CTSO: variants seen among roughly 807,000 people sequenced by gnomAD.
CTSO encodes the protein cathepsin O.
A neutral mutation model predicts 42.4 loss-of-function variants in CTSO; 40 were observed. That is an observed-to-expected ratio of 0.94 (90% CI 0.73 to 1.23). The LOEUF (loss-of-function observed/expected upper bound fraction) is 1.23, where lower values mean the gene tolerates loss of function less well. Among genes scored for constraint, CTSO ranks in the 50% most tolerant of loss-of-function variants. The pLI is 0.00. For missense variants in CTSO, 441 were observed against 396.0 expected, an observed-to-expected ratio of 1.11 and a Z score of -0.96; for synonymous variants, 156 against 146.2, an observed-to-expected ratio of 1.07 and a Z score of -0.48.
In CTSO at chr4:155,935,731, T is replaced by C. The variant is rs150024631; in HGVS notation, c.674+1631A>G. 1.7e-4 allele frequency among the ~76,000 whole-genome samples: 26 copies of C among 152,274 alleles called. No individual in the cohort carries two copies. The East Asian group carries it at 5.0e-3, about 29-fold the overall frequency. ...CTAATGAGGGCAAGGTTTTTGTCTG[T>C]TTTGTTCTCTGCCAAATCCCCAGAA... On this transcript the variant is annotated intron_variant, in intron 5 of 7. Coordinates refer to ENST00000433477, the MANE Select transcript of CTSO (RefSeq NM_001334.3).
intron 1 of CTSO, among the ~76,000 whole-genome samples, chr4:155,950,857 C>A (rs11303235): frequency 3.3e-5 from 5 of 151,158 alleles, no homozygotes; most frequent in Admixed American, 1.3e-4. Context: ...ACCCCACCCC[C>A]ACACCCCAGT....
rs1014618965 is a variant in CTSO, at chr4:155,927,025, C to G, written c.932-955G>C. ...GCAAGTTCCAAAGATGTACGAGTCC[C>G]CAGTGATGCTGAAAAGTGGAGGCCT... On this transcript the variant is annotated intron_variant, in intron 7 of 7. Transcript: ENST00000433477. 3.3e-5 allele frequency among the ~76,000 whole-genome samples: 5 copies of G among 152,226 alleles called. No individual in the cohort carries two copies. In the East Asian group the frequency reaches 9.7e-4, roughly 29 times the overall value.
At chr4:155,926,534 C>A (rs187252070) in intron 7 of CTSO, among the ~76,000 whole-genome samples, 1 of 152,272 alleles carries the variant, frequency 6.6e-6, no homozygotes, top group Non-Finnish European at 1.5e-5. Context: ...AACATCATGG[C>A]AAAAGCAATA....
chr4:155,934,099 G>C (rs1485998847), intron 5 of CTSO, among the ~76,000 whole-genome samples: 1 of 152,194 alleles, frequency 6.6e-6, no homozygotes, highest in East Asian at 1.9e-4. Flanking sequence ...GAAGGAAAAA[G>C]TGGTTTTGTG....
chr4:155,937,340 C>T (rs1470221162), intron 5 of CTSO, 22 bp downstream of exon 5: 3 of 1,572,226 alleles, frequency 1.9e-6, no homozygotes, highest in African/African-American at 2.7e-5. Context: ...TAAAGAAAAA[C>T]ATAATACAAT....
At chr4:155,948,667 G>A (rs1404834220) in intron 1 of CTSO, among the ~76,000 whole-genome samples, 1 of 152,160 alleles carries the variant, frequency 6.6e-6, no homozygotes, top group Non-Finnish European at 1.5e-5. Flanking sequence ...AGGAGGTTAG[G>A]CTGCAGTTTT....
intron 1 of CTSO, among the ~76,000 whole-genome samples, chr4:155,951,601 C>T (rs1471354107): frequency 6.6e-6 from 1 of 152,142 alleles, no homozygotes; most frequent in Non-Finnish European, 1.5e-5. Flanking sequence ...AAGATTAAAA[C>T]AAATTTTAAA....
intron 5 of CTSO, among the ~76,000 whole-genome samples, chr4:155,933,593 T>A (rs890171232): frequency 2.0e-5 from 3 of 152,188 alleles, no homozygotes; most frequent in Admixed American, 6.5e-5. Context: ...TCCTAGAGAC[T>A]TGTCGAATGG....
In CTSO at chr4:155,943,146, C is replaced by T. The variant is rs370138778; in HGVS notation, c.244+10G>A. ...CAGGAAACCACCTAAATAGCAACAT[C>T]GGACTATACCTTTAAACTCTTCAGG... is the stretch of plus-strand genomic sequence containing the variant. On this transcript the variant is annotated intron_variant, in intron 2 of 7. Coordinates refer to ENST00000433477, the MANE Select transcript of CTSO (RefSeq NM_001334.3). The T allele has an allele frequency of 9.2e-6, 14 of 1,524,580 alleles. No homozygotes were observed. Among genetic ancestry groups the T allele is most frequent in the African/African-American group, 4.2e-5 (3 of 72,150 alleles). The allele number at this position is 1,524,580 out of a possible 1,614,324, so 94.4% of individuals were successfully genotyped here.
intron 6 of CTSO, 93 bp downstream of exon 6, chr4:155,929,449 C>G: frequency 7.5e-7 from 1 of 1,329,076 alleles, no homozygotes; most frequent in African/African-American, 1.5e-5. Flanking sequence ...TTAATCATAG[C>G]AGAACCAAAT....
Position 155,926,034 on chromosome 4 carries a change from T to A in CTSO, c.*2A>T. On this transcript the variant is annotated 3_prime_UTR_variant, in exon 8 of 8. Transcript: ENST00000433477. ...TAGCTGTCTCTTGATCTGCCCAACA[T>A]GTCACACAAATATAGAAGAAACGGA... 1 of 1,604,464 alleles carries A rather than the reference T, an allele frequency of 6.2e-7. No homozygotes were observed. The highest frequency in any genetic ancestry group is 8.5e-7 in the Non-Finnish European group (1 of 1,174,652).
intron 5 of CTSO, among the ~76,000 whole-genome samples, chr4:155,935,287 C>T (rs1218262109): frequency 1.3e-5 from 2 of 152,086 alleles, no homozygotes; most frequent in Non-Finnish European, 2.9e-5. Flanking sequence ...TTTTTCTTTC[C>T]AGTCTTGGGT....
chr4:155,953,565 G>T, intron 1 of CTSO, 148 bp downstream of exon 1: 1 of 1,000,808 alleles, frequency 1.0e-6, no homozygotes. Context: ...GCTGGCTTTT[G>T]CACCCGCAGC....
Position 155,947,711 on chromosome 4 carries a change from T to G in CTSO, c.136-4447A>C, listed in dbSNP as rs182323580. On this transcript the variant is annotated intron_variant, in intron 1 of 7. Coordinates refer to ENST00000433477, the MANE Select transcript of CTSO (RefSeq NM_001334.3). Reference sequence around the variant, plus strand: ...TCTCTTGATTCTGGCTATTAAAGATTTCATAGACGCATCACAAACTGAAGT... The same window carrying G: ...TCTCTTGATTCTGGCTATTAAAGATGTCATAGACGCATCACAAACTGAAGT... Among the ~76,000 whole-genome samples the G allele has an allele frequency of 3.1e-3, 475 of 152,298 alleles. 3 individuals are homozygous for G. The highest frequency in any genetic ancestry group is 0.011 in the African/African-American group (452 of 41,556).
At chr4:155,929,845 G>C (rs1743203845) in intron 5 of CTSO, 140 bp from the exon 6 acceptor site, 1 of 698,574 alleles carries the variant, frequency 1.4e-6, no homozygotes, top group East Asian at 2.9e-5. Flanking sequence ...AAGTCTGAGA[G>C]ACTGGTAGTC....
chr4:155,939,367 T>C lies in CTSO; in HGVS notation c.552+4A>G. On this transcript the variant is annotated splice_donor_region_variant and intron_variant, in intron 4 of 7. Transcript: ENST00000433477. ...AGAGTTTAAGAGGTTGAGAGACTAG[T>C]CACCTTGTTTAACCAGTTCAAAGCA... The C allele has an allele frequency of 6.3e-7, 1 of 1,596,248 alleles. No individual in the cohort carries two copies. Among genetic ancestry groups the C allele is most frequent in the Non-Finnish European group, 8.6e-7 (1 of 1,167,796 alleles).
intron 2 of CTSO, 151 bp downstream of exon 2, chr4:155,943,005 G>C: frequency 1.9e-6 from 1 of 516,714 alleles, no homozygotes; most frequent in East Asian, 3.0e-5. Context: ...ATTTTCTTAT[G>C]TGAGCACATG....
chr4:155,929,534 G>A lies in CTSO; in HGVS notation c.838+8C>T, dbSNP rs1025422767. The A allele has an allele frequency of 6.2e-7, 1 of 1,610,128 alleles. No homozygotes were observed. The highest frequency in any genetic ancestry group is 1.7e-5 in the Admixed American group (1 of 59,692). On this transcript the variant is annotated splice_region_variant and intron_variant, in intron 6 of 7. Coordinates refer to ENST00000433477, the MANE Select transcript of CTSO (RefSeq NM_001334.3). Reference sequence around the variant, plus strand: ...GAAAGCAGTCAACTGAGTCTTATCAGCACTTACCTGTTTTATCAAACCCAG... The same window carrying A: ...GAAAGCAGTCAACTGAGTCTTATCAACACTTACCTGTTTTATCAAACCCAG...
intron 5 of CTSO, among the ~76,000 whole-genome samples, chr4:155,930,075 A>G (rs193094254): frequency 1.3e-5 from 2 of 152,346 alleles, no homozygotes; most frequent in African/African-American, 4.8e-5. Flanking sequence ...ACACTTCCAC[A>G]TATATCTTCA....
Sources: allele counts gnomAD v4.1 joint callset (sites outside exome capture counted in the v4.1 genomes callset), GRCh38; gene constraint gnomAD v4.1.1; transcripts MANE v1.5; gene names NCBI Gene and HGNC (gene_info 2026-07-23, HGNC 2026-07-21).